The following SCHIP1 variants were observed in gnomAD, a reference collection of about 807,000 sequenced individuals.
SCHIP1 encodes schwannomin interacting protein 1.
Under a neutral mutation model 29.7 loss-of-function variants are expected in SCHIP1, and 8 were observed. The ratio of observed to expected loss-of-function variants is 0.27; its 90% confidence interval spans 0.16 to 0.49. SCHIP1 has a LOEUF of 0.49. Ranked by LOEUF, SCHIP1 falls within the 20% of genes least tolerant of loss-of-function variation. SCHIP1 has a pLI of 0.99. For missense variants in SCHIP1, 193 were observed against 294.6 expected, an observed-to-expected ratio of 0.66 and a Z score of 2.52; for synonymous variants, 76 against 94.9, an observed-to-expected ratio of 0.80 and a Z score of 1.16.
At chr3:159,376,927 G>A in the SCHIP1 span, among the ~76,000 whole-genome samples, 27,899 of 152,092 alleles carry the variant, frequency 0.18, 2,725 homozygotes, top group Middle Eastern at 0.29. Context: ...TTTAACCCTC[G>A]CTATTATAGT....
At chr3:159,458,606 TA>T in the SCHIP1 span, among the ~76,000 whole-genome samples, 1 of 151,854 alleles carries the variant, frequency 6.6e-6, no homozygotes, top group African/African-American at 2.4e-5. Flanking sequence ...GGGCTGGTTG[TA>T]ATAGCTCCTT....
At chr3:159,422,574 A>C in the SCHIP1 span, among the ~76,000 whole-genome samples, 1 of 152,306 alleles carries the variant, frequency 6.6e-6, no homozygotes, top group South Asian at 2.1e-4. Context: ...AAACAGAAAA[A>C]TGTCAGCAGT....
the SCHIP1 span, among the ~76,000 whole-genome samples, chr3:159,543,060 T>TAC: frequency 6.6e-6 from 1 of 150,864 alleles, no homozygotes; most frequent in South Asian, 2.1e-4. Context: ...CATGCATATG[T>TAC]ACACACACAT....
chr3:159,459,463 G>T, the SCHIP1 span, among the ~76,000 whole-genome samples: 2 of 152,116 alleles, frequency 1.3e-5, no homozygotes, highest in South Asian at 2.1e-4. Context: ...AGGGGCTGGA[G>T]ATATAGAAAT....
At chr3:159,850,837 C>T (rs935373926) in intron 1 of SCHIP1, among the ~76,000 whole-genome samples, 1 of 152,156 alleles carries the variant, frequency 6.6e-6, no homozygotes, top group African/African-American at 2.4e-5. Context: ...TTAGAAACCA[C>T]CCCCATGGTC....
At chr3:159,668,357 A>T in the SCHIP1 span, among the ~76,000 whole-genome samples, 1 of 146,712 alleles carries the variant, frequency 6.8e-6, no homozygotes, top group Admixed American at 6.8e-5. Flanking sequence ...AGTCTGGGCG[A>T]CAGAGCGAGA....
chr3:159,554,007 TG>T, the SCHIP1 span, among the ~76,000 whole-genome samples: 310 of 127,798 alleles, frequency 2.4e-3, 4 homozygotes, highest in African/African-American at 0.012. Context: ...TGTGTGTGTG[TG>T]TGTGTGTGTG....
chr3:159,632,768 G>A, the SCHIP1 span, among the ~76,000 whole-genome samples: 1 of 152,150 alleles, frequency 6.6e-6, no homozygotes, highest in Non-Finnish European at 1.5e-5. Flanking sequence ...GGACTATGAT[G>A]AGCTCCCAGG....
the SCHIP1 span, among the ~76,000 whole-genome samples, chr3:159,678,898 C>T: frequency 3.3e-5 from 5 of 152,146 alleles, no homozygotes; most frequent in Non-Finnish European, 7.3e-5. Context: ...CTCACTATCA[C>T]GAGAACAGTA....
the SCHIP1 span, among the ~76,000 whole-genome samples, chr3:159,299,829 G>T: frequency 3.3e-5 from 5 of 152,162 alleles, no homozygotes; most frequent in African/African-American, 1.2e-4. Flanking sequence ...AGGGAGTGAG[G>T]TCCCACACAC....
chr3:159,663,959 T>C, the SCHIP1 span, among the ~76,000 whole-genome samples: 2 of 152,190 alleles, frequency 1.3e-5, no homozygotes, highest in Middle Eastern at 3.2e-3. Flanking sequence ...TATAAGAATC[T>C]TACTTTTAAA....
chr3:159,677,695 G>A, the SCHIP1 span, among the ~76,000 whole-genome samples: 8 of 152,172 alleles, frequency 5.3e-5, no homozygotes, highest in African/African-American at 1.9e-4. Flanking sequence ...AAAGTGGCCA[G>A]GGAGATCTCT....
the SCHIP1 span, among the ~76,000 whole-genome samples, chr3:159,300,473 C>T: frequency 2.6e-5 from 4 of 152,044 alleles, no homozygotes; most frequent in African/African-American, 4.8e-5. Context: ...ATAGTAAAGC[C>T]GAGTCCCTTA....
chr3:159,573,311 A>T, the SCHIP1 span, among the ~76,000 whole-genome samples: 1 of 152,090 alleles, frequency 6.6e-6, no homozygotes. Flanking sequence ...AGGCCTGGTG[A>T]TGGCAAAATC....
At chr3:159,293,338 AT>A in the SCHIP1 span, among the ~76,000 whole-genome samples, 10 of 152,142 alleles carry the variant, frequency 6.6e-5, no homozygotes, top group Non-Finnish European at 1.2e-4. Flanking sequence ...GAAAACATCT[AT>A]TTTCAAAAAG....
the SCHIP1 span, among the ~76,000 whole-genome samples, chr3:159,323,388 C>T: frequency 6.6e-6 from 1 of 152,166 alleles, no homozygotes; most frequent in African/African-American, 2.4e-5. Context: ...ATGTAGGCAT[C>T]TATGGTTGTA....
chr3:159,325,719 G>T, the SCHIP1 span, among the ~76,000 whole-genome samples: 3,629 of 151,886 alleles, frequency 0.024, 134 homozygotes, highest in African/African-American at 0.084. Context: ...AAAGCACCTG[G>T]ATCTGGTCAT....
the SCHIP1 span, among the ~76,000 whole-genome samples, chr3:159,694,349 G>A: frequency 6.6e-6 from 1 of 151,780 alleles, no homozygotes; most frequent in Non-Finnish European, 1.5e-5. Context: ...GTGAAACCCC[G>A]TCTCTACCAA....
chr3:159,839,584 C>A (rs1334306273), upstream of SCHIP1, among the ~76,000 whole-genome samples: 1 of 129,370 alleles, frequency 7.7e-6, no homozygotes, highest in Non-Finnish European at 1.6e-5. Flanking sequence ...ATTGTTCTCT[C>A]TTTAGCATGT....
Sources: gnomAD v4.1 joint callset for allele counts (sites outside exome capture counted in the v4.1 genomes callset) on GRCh38, gnomAD v4.1.1 for gene constraint, MANE v1.5 for transcripts, NCBI Gene and HGNC (gene_info 2026-07-23, HGNC 2026-07-21) for gene names.